The following UVRAG variants were observed in gnomAD, a reference collection of about 807,000 sequenced individuals.
UVRAG encodes the protein UV radiation resistance associated.
UVRAG carries 19 observed loss-of-function variants against 78.0 expected under a neutral mutation model. The ratio of observed to expected loss-of-function variants is 0.24; its 90% CI spans 0.17 to 0.36. UVRAG has a LOEUF of 0.36. Ranked by LOEUF, UVRAG falls within the 10% of genes least tolerant of loss-of-function variation. UVRAG has a pLI of 1.00. For missense variants in UVRAG, 740 were observed against 853.8 expected (o/e 0.87, Z 1.66); for synonymous variants, 323 against 324.6 (o/e 1.00, Z 0.05).
chr11:75,928,767 GTCTTTACTAAAAAT>G (rs930752585), intron 6 of UVRAG, among the ~76,000 whole-genome samples: 1 of 149,820 alleles, frequency 6.7e-6, no homozygotes, highest in Non-Finnish European at 1.5e-5. Flanking sequence ...GTGAAACCCC[GTCTTTACTAAAAAT>G]ACAAAAAAAA....
intron 8 of UVRAG, among the ~76,000 whole-genome samples, chr11:75,995,400 A>G (rs1949686805): frequency 6.6e-6 from 1 of 151,972 alleles, no homozygotes. Context: ...ATTTGGGGAA[A>G]TAAATTACCC....
At position 75,911,722 on chromosome 11, in the gene UVRAG, G is replaced by C. The variant is rs79967933; in HGVS notation, c.508-232G>C. On this transcript the variant is annotated intron_variant, in intron 5 of 14. Transcript: ENST00000356136. ...CGGGACTCAGGGCTGGGCTGGGCGC[G>C]CTCCTTCTCCACTCTTGTCAGATCC... 145 of 362,948 alleles carry C rather than the reference G, an allele frequency of 4.0e-4. 2 individuals carry two copies. The highest frequency in any genetic ancestry group is 3.1e-3 in the African/African-American group (142 of 46,452). The allele number at this position is 362,948 out of a possible 1,614,324, so 22.5% of individuals were successfully genotyped here. A position where few individuals can be genotyped will look rare whatever the true frequency, so the allele number is the denominator to read the frequency against.
intron 9 of UVRAG, among the ~76,000 whole-genome samples, chr11:76,006,768 T>C (rs188819825): frequency 5.3e-4 from 80 of 152,206 alleles, no homozygotes; most frequent in South Asian, 4.6e-3. Flanking sequence ...ATATTGGTTT[T>C]TGAGGTAATT....
chr11:76,005,466 A>G (rs1169203555), intron 9 of UVRAG, among the ~76,000 whole-genome samples: 2 of 152,252 alleles, frequency 1.3e-5, no homozygotes, highest in African/African-American at 2.4e-5. Context: ...TAGCAAAGCC[A>G]GGACTAGATC....
intron 11 of UVRAG, 134 bp downstream of exon 11, chr11:76,009,001 A>G (rs1038641127): frequency 8.2e-6 from 4 of 486,554 alleles, no homozygotes; most frequent in East Asian, 3.1e-5. Flanking sequence ...GCAAGTATGT[A>G]TATCAGACTC....
At chr11:76,001,180 G>A (rs1002787624) in intron 8 of UVRAG, among the ~76,000 whole-genome samples, 1 of 152,066 alleles carries the variant, frequency 6.6e-6, no homozygotes, top group Non-Finnish European at 1.5e-5. Context: ...GTTACTAACA[G>A]AAAAATGTCT....
intron 5 of UVRAG, among the ~76,000 whole-genome samples, chr11:75,908,401 C>T (rs1208160808): frequency 6.6e-6 from 1 of 152,134 alleles, no homozygotes; most frequent in Non-Finnish European, 1.5e-5. Flanking sequence ...AATGGCACTT[C>T]CCATTCTTGC....
chr11:76,073,952 C>G (rs1260541327), intron 13 of UVRAG, among the ~76,000 whole-genome samples: 1 of 152,104 alleles, frequency 6.6e-6, no homozygotes, highest in Non-Finnish European at 1.5e-5. Context: ...CAGCTGGCTT[C>G]TATTAAGCTA....
At chr11:76,096,710 T>C (rs560228582) in intron 13 of UVRAG, among the ~76,000 whole-genome samples, 13 of 152,340 alleles carry the variant, frequency 8.5e-5, no homozygotes, top group African/African-American at 3.1e-4. Flanking sequence ...GGCCTCTTGC[T>C]GTCATCTGGG....
At chr11:75,863,729 G>A (rs1946474442) in intron 3 of UVRAG, among the ~76,000 whole-genome samples, 1 of 152,180 alleles carries the variant, frequency 6.6e-6, no homozygotes, top group African/African-American at 2.4e-5. Context: ...AAAGAATACT[G>A]TAGAATGGAT....
chr11:75,873,294 C>A (rs1232392725), intron 3 of UVRAG, among the ~76,000 whole-genome samples: 1 of 151,868 alleles, frequency 6.6e-6, no homozygotes, highest in Non-Finnish European at 1.5e-5. Context: ...ATATTTTTGA[C>A]CCCAAAGTGA....
chr11:75,993,065 C>T (rs1327590174), intron 8 of UVRAG, among the ~76,000 whole-genome samples: 2 of 152,170 alleles, frequency 1.3e-5, no homozygotes, highest in Admixed American at 1.3e-4. Flanking sequence ...GACTTTGCTG[C>T]TGATTATTCT....
intron 5 of UVRAG, among the ~76,000 whole-genome samples, chr11:75,895,289 AAT>A (rs1947316193): frequency 6.6e-6 from 1 of 152,174 alleles, no homozygotes; most frequent in Non-Finnish European, 1.5e-5. Context: ...ACATTATCTT[AAT>A]ATGTCTTCAG....
At chr11:76,039,134 C>T (rs1329295012) in intron 12 of UVRAG, among the ~76,000 whole-genome samples, 1 of 152,114 alleles carries the variant, frequency 6.6e-6, no homozygotes, top group East Asian at 2.0e-4. Flanking sequence ...GTTACTTGAT[C>T]ACCCTATGTG....
chr11:75,978,544 T>C (rs1949308113), intron 7 of UVRAG, among the ~76,000 whole-genome samples: 1 of 152,208 alleles, frequency 6.6e-6, no homozygotes, highest in Non-Finnish European at 1.5e-5. Context: ...TAGTCCCATA[T>C]TTGTTGGAGG....
At position 75,832,790 on chromosome 11, in the gene UVRAG, A is replaced by T. The variant is rs1025159024; in HGVS notation, c.117+17266A>T. Among the ~76,000 whole-genome samples, 74 of 152,300 alleles carry T rather than the reference A, an allele frequency of 4.9e-4. 1 individual carries two copies. The highest frequency in any genetic ancestry group is 1.7e-3 in the African/African-American group (71 of 41,560). On this transcript the variant is annotated intron_variant, in intron 1 of 14. Transcript: ENST00000356136. The stretch of plus-strand genomic sequence containing the variant: ...TCTGAGGGACTCCCAGCCACCAGTT[A>T]TCTCATTAGCATGCAAAAGACACTT...
intron 13 of UVRAG, among the ~76,000 whole-genome samples, chr11:76,081,889 A>G (rs1951500614): frequency 6.6e-6 from 1 of 151,404 alleles, no homozygotes; most frequent in African/African-American, 2.4e-5. Context: ...AACCATAGCA[A>G]TGATAGGGAC....
At chr11:75,907,100 G>C (rs1238008327) in intron 5 of UVRAG, among the ~76,000 whole-genome samples, 1 of 152,196 alleles carries the variant, frequency 6.6e-6, no homozygotes, top group Non-Finnish European at 1.5e-5. Context: ...TATCTAGATT[G>C]CTTTGGGTAT....
At chr11:76,088,926 G>A (rs540224864) in intron 13 of UVRAG, among the ~76,000 whole-genome samples, 1 of 152,166 alleles carries the variant, frequency 6.6e-6, no homozygotes, top group Non-Finnish European at 1.5e-5. Flanking sequence ...AAATTAATAA[G>A]TTCCTTAAGG....
Sources: gnomAD v4.1 joint callset for allele counts (sites outside exome capture counted in the v4.1 genomes callset) on GRCh38, gnomAD v4.1.1 for gene constraint, MANE v1.5 for transcripts, NCBI Gene and HGNC (gene_info 2026-07-23, HGNC 2026-07-21) for gene names.